FAM171A1: variants seen among roughly 807,000 people sequenced by gnomAD.
FAM171A1 encodes the protein family with sequence similarity 171 member A1.
In FAM171A1, 23 loss-of-function variants were observed where a neutral mutation model predicts 74.9. The observed-to-expected ratio is 0.31, with a 90% CI of 0.22 to 0.44. The LOEUF (loss-of-function observed/expected upper bound fraction) is 0.44. FAM171A1 is among the 20% of genes least tolerant of loss of function. FAM171A1 has a pLI of 1.00. For synonymous variants in FAM171A1, 527 were observed against 505.7 expected (o/e 1.04, Z -0.57); for missense variants, 1,162 against 1,159.2 (o/e 1.00, Z -0.03).
Position 15,213,873 on chromosome 10 carries a change from C to T in FAM171A1, c.1715G>A (p.Ser572Asn), listed in dbSNP as rs748022224. The stretch of plus-strand genomic sequence containing the variant: ...GGCAGGCAGTACTTTCCTGTAAACG[C>T]TGTCATTGACCTGGTCGACAGAACT... ...CCSSVDQVND[S>N]VYRKVLPALV... is the part of the protein sequence containing the mutation. The change falls in exon 8 of 8, where the codon AGC (serine) becomes AAC (asparagine). Residue 572 changes from serine to asparagine, a missense_variant. Coordinates refer to ENST00000378116, the MANE Select transcript of FAM171A1 (RefSeq NM_001010924.2). The surrounding 1 kb of genome is among the most constrained non-coding windows in gnomAD (Gnocchi z 6.8). The T allele has an allele frequency of 2.5e-6, 4 of 1,614,170 alleles. No individual in the cohort carries two copies. The highest frequency in any genetic ancestry group is 3.4e-6 in the Non-Finnish European group (4 of 1,180,042).
chr10:15,332,882 A>T (rs980864067), intron 1 of FAM171A1, among the ~76,000 whole-genome samples: 3 of 150,768 alleles, frequency 2.0e-5, no homozygotes, highest in African/African-American at 7.3e-5. Context: ...GGTATTTATG[A>T]TAATGAAGAG....
intron 1 of FAM171A1, among the ~76,000 whole-genome samples, chr10:15,312,685 T>G (rs1471481400): frequency 4.7e-5 from 3 of 64,060 alleles, no homozygotes; most frequent in Non-Finnish European, 6.6e-5. Flanking sequence ...TTTTTTTTTT[T>G]TTTTTTTTTT....
At chr10:15,360,701 C>T (rs1354748781) in intron 1 of FAM171A1, among the ~76,000 whole-genome samples, 1 of 152,216 alleles carries the variant, frequency 6.6e-6, no homozygotes, top group African/African-American at 2.4e-5. Context: ...GACCTGATTT[C>T]AAGCTGTCCT....
At chr10:15,332,205 C>T (rs1239321777) in intron 1 of FAM171A1, among the ~76,000 whole-genome samples, 1 of 152,060 alleles carries the variant, frequency 6.6e-6, no homozygotes, top group African/African-American at 2.4e-5. Context: ...ATCTGCCTGC[C>T]TCTGCCTCCC....
chr10:15,247,675 T>G (rs1834452394), intron 5 of FAM171A1, among the ~76,000 whole-genome samples: 1 of 150,804 alleles, frequency 6.6e-6, no homozygotes, highest in African/African-American at 2.4e-5. Flanking sequence ...GCACTTGGGC[T>G]TTTAAAAGGC....
chr10:15,315,690 T>C (rs1332292869), intron 1 of FAM171A1, among the ~76,000 whole-genome samples: 1 of 152,194 alleles, frequency 6.6e-6, no homozygotes, highest in East Asian at 1.9e-4. Context: ...TTGATCATGC[T>C]AGAAAGCCAT....
At chr10:15,263,873 ATCT>A (rs1206963433) in intron 3 of FAM171A1, among the ~76,000 whole-genome samples, 5 of 147,186 alleles carry the variant, frequency 3.4e-5, no homozygotes, top group Non-Finnish European at 7.6e-5. Context: ...CTATCTATCT[ATCT>A]ATCTATCTAT....
chr10:15,229,873 T>A (rs112556363), intron 5 of FAM171A1, among the ~76,000 whole-genome samples: 2 of 37,580 alleles, frequency 5.3e-5, no homozygotes, highest in Non-Finnish European at 5.8e-5. Flanking sequence ...CCCATCACCA[T>A]CATCACCATC....
chr10:15,366,231 T>C (rs1042432834), intron 1 of FAM171A1, among the ~76,000 whole-genome samples: 2 of 152,174 alleles, frequency 1.3e-5, no homozygotes, highest in Admixed American at 1.3e-4. Flanking sequence ...GCAATTGTCC[T>C]GCCTTAGCCT....
At chr10:15,373,136 C>T (rs1411308970), upstream of FAM171A1, among the ~76,000 whole-genome samples, 11 of 152,272 alleles carry the variant, frequency 7.2e-5, no homozygotes, top group Admixed American at 5.2e-4. Context: ...AAAACTAGGA[C>T]GTACAGAAGC....
In FAM171A1 at chr10:15,212,608, C is replaced by A. The variant is rs1833903875; in HGVS notation, c.*307G>T. ...GGGAGAACTGAGGTGATCGTTAGAGCATAGCGACATCACGTGCGGTTTCTT... is the reference window on the plus strand; with the variant it reads ...GGGAGAACTGAGGTGATCGTTAGAGAATAGCGACATCACGTGCGGTTTCTT... On this transcript the variant is annotated 3_prime_UTR_variant, in exon 8 of 8. Transcript: ENST00000378116. The A allele has an allele frequency of 1.2e-5, 5 of 410,792 alleles. No individual in the cohort carries two copies. The highest frequency in any genetic ancestry group is 6.2e-5 in the African/African-American group (3 of 48,620). 25.4% of individuals were successfully genotyped at this position (410,792 alleles called of 1,614,324 possible). A position where few individuals can be genotyped will look rare whatever the true frequency, so the allele number is the denominator to read the frequency against.
chr10:15,290,485 CAG>C lies in FAM171A1; in HGVS notation c.98-6382_98-6381del, dbSNP rs371286710. Among the ~76,000 whole-genome samples, 512 of 152,338 alleles carry C rather than the reference CAG, an allele frequency of 3.4e-3. 3 individuals are homozygous for C. The highest frequency in any genetic ancestry group is 0.012 in the African/African-American group (482 of 41,576). On this transcript the variant is annotated intron_variant, in intron 1 of 7. Transcript: ENST00000378116. The stretch of plus-strand genomic sequence containing the variant: ...AACCCTGCATTTCCCTGAAGCTCTC[CAG>C]ACACATGGTCTCTGTTTCTTGTCCA...
At chr10:15,357,033 C>T (rs1160154607) in intron 1 of FAM171A1, among the ~76,000 whole-genome samples, 2 of 152,180 alleles carry the variant, frequency 1.3e-5, no homozygotes, top group African/African-American at 2.4e-5. Context: ...AATCCCAGCA[C>T]TTTGGGAAGC....
intron 1 of FAM171A1, among the ~76,000 whole-genome samples, chr10:15,286,670 C>T (rs1835038640): frequency 6.6e-6 from 1 of 152,196 alleles, no homozygotes. Flanking sequence ...GAATCTCCAC[C>T]TTGGTAACTT....
At chr10:15,315,512 G>GT (rs1835412293) in intron 1 of FAM171A1, among the ~76,000 whole-genome samples, 1 of 152,290 alleles carries the variant, frequency 6.6e-6, no homozygotes, top group East Asian at 1.9e-4. Context: ...ACTGCAGAGC[G>GT]TGCCTGTGAC....
chr10:15,324,124 C>T (rs1434994736), intron 1 of FAM171A1, among the ~76,000 whole-genome samples: 3 of 152,304 alleles, frequency 2.0e-5, no homozygotes, highest in South Asian at 4.1e-4. Flanking sequence ...TTAACCTCCA[C>T]CCCAGCACGT....
chr10:15,273,921 G>A (rs1834860171), intron 3 of FAM171A1, among the ~76,000 whole-genome samples: 3 of 152,098 alleles, frequency 2.0e-5, no homozygotes, highest in Admixed American at 6.6e-5. Flanking sequence ...AATCCACAGC[G>A]AATATCACAG....
intron 3 of FAM171A1, among the ~76,000 whole-genome samples, chr10:15,256,347 G>C (rs773494607): frequency 6.6e-6 from 1 of 152,168 alleles, no homozygotes; most frequent in Non-Finnish European, 1.5e-5. Flanking sequence ...AGGTCCAAAG[G>C]ACTTATGTCG....
At chr10:15,222,192 C>T (rs1245799777) in intron 5 of FAM171A1, among the ~76,000 whole-genome samples, 5 of 152,202 alleles carry the variant, frequency 3.3e-5, no homozygotes, top group Non-Finnish European at 7.3e-5. Flanking sequence ...ATCATCCTCA[C>T]CTGAAATGGC....
Sources: gnomAD v4.1 joint callset for allele counts (sites outside exome capture counted in the v4.1 genomes callset) on GRCh38, gnomAD v4.1.1 for gene constraint, Gnocchi (gnomAD v3.1) non-coding constraint, MANE v1.5 for transcripts, NCBI Gene and HGNC (gene_info 2026-07-23, HGNC 2026-07-21) for gene names.